The following ARHGAP18 variants were observed in gnomAD, a reference collection of about 807,000 sequenced individuals.
ARHGAP18 encodes the protein rho GTPase-activating protein 18.
Under a neutral mutation model 86.2 loss-of-function variants are expected in ARHGAP18, and 67 were observed. The observed-to-expected ratio is 0.78, with a 90% CI of 0.64 to 0.95. The LOEUF (loss-of-function observed/expected upper bound fraction) is 0.95, where lower values mean the gene tolerates loss of function less well. Among genes scored for constraint, ARHGAP18 ranks in the 40% least tolerant of loss-of-function variants. The probability of loss-of-function intolerance (pLI) is 0.00; values close to 1 mark genes in which losing one functional copy is unlikely to be tolerated. For synonymous variants in ARHGAP18, 283 were observed against 280.4 expected (o/e 1.01, Z -0.09); for missense variants, 691 against 780.4 (o/e 0.89, Z 1.37).
chr6:129,606,803 TGTATGTGTTAAGAATAGCCTGGTACA>T (rs1430582066), intron 9 of ARHGAP18, among the ~76,000 whole-genome samples: 1 of 152,078 alleles, frequency 6.6e-6, no homozygotes, highest in Non-Finnish European at 1.5e-5. Context: ...ATCTCAATAT[TGTATGTGTTAAGAATAGCCTGGTACA>T]GTTCTGGTTG....
At chr6:129,608,169 C>A in intron 8 of ARHGAP18, 117 bp from the exon 9 acceptor site, 62 of 1,103,678 alleles carry the variant, frequency 5.6e-5, no homozygotes, top group Middle Eastern at 3.3e-4. Flanking sequence ...TTAGACAAGA[C>A]AAATCAGACT....
chr6:129,700,438 T>C (rs1450130204), intron 1 of ARHGAP18, among the ~76,000 whole-genome samples: 2 of 152,218 alleles, frequency 1.3e-5, no homozygotes, highest in Non-Finnish European at 2.9e-5. Flanking sequence ...TTAAACACTT[T>C]TTTAGGGTAC....
intron 1 of ARHGAP18, among the ~76,000 whole-genome samples, chr6:129,676,912 CCTCTTTTTTTTTTTTTTTTTTT>C (rs1774243465): frequency 4.8e-5 from 5 of 103,878 alleles, no homozygotes; most frequent in Non-Finnish European, 1.8e-5. Context: ...AATTTTTTGT[CCTCTTTTTTTTTTTTTTTTTTT>C]TTTTTTTTTT....
chr6:129,606,865 C>CTTT (rs34265406), intron 9 of ARHGAP18, among the ~76,000 whole-genome samples: 1 of 144,432 alleles, frequency 6.9e-6, no homozygotes. Flanking sequence ...GCAATTTATT[C>CTTT]TTTTTTTTTT....
chr6:129,681,124 C>T (rs1774318319), intron 1 of ARHGAP18, among the ~76,000 whole-genome samples: 1 of 152,224 alleles, frequency 6.6e-6, no homozygotes, highest in Non-Finnish European at 1.5e-5. Context: ...GTTGCCCAAG[C>T]TGGAGTGCAG....
At chr6:129,629,280 T>C in intron 5 of ARHGAP18, 73 bp downstream of exon 5, 1 of 1,245,822 alleles carries the variant, frequency 8.0e-7, no homozygotes, top group Non-Finnish European at 1.1e-6. Context: ...TGCGTGTGTG[T>C]GTATGTATAT....
chr6:129,667,787 G>A (rs556485587), intron 1 of ARHGAP18, among the ~76,000 whole-genome samples: 2 of 152,088 alleles, frequency 1.3e-5, no homozygotes, highest in East Asian at 1.9e-4. Flanking sequence ...TATCTGCCTG[G>A]GCTCTTGGCC....
At chr6:129,649,541 A>C (rs1773658172) in intron 1 of ARHGAP18, among the ~76,000 whole-genome samples, 1 of 132,874 alleles carries the variant, frequency 7.5e-6, no homozygotes, top group African/African-American at 2.9e-5. Context: ...CAACAGAGCA[A>C]GTCTCTGTCT....
intron 1 of ARHGAP18, among the ~76,000 whole-genome samples, chr6:129,663,565 A>G (rs1584100215): frequency 6.6e-6 from 1 of 152,144 alleles, no homozygotes; most frequent in African/African-American, 2.4e-5. Context: ...CCAAACATCT[A>G]AAAAGGTCTC....
intron 1 of ARHGAP18, among the ~76,000 whole-genome samples, chr6:129,679,798 G>A (rs1034733390): frequency 6.6e-6 from 1 of 152,146 alleles, no homozygotes; most frequent in Non-Finnish European, 1.5e-5. Flanking sequence ...AAATTTGGTG[G>A]CTTAAAACAA....
chr6:129,627,210 A>G (rs1789497688), intron 5 of ARHGAP18, among the ~76,000 whole-genome samples: 1 of 152,182 alleles, frequency 6.6e-6, no homozygotes, highest in Admixed American at 6.5e-5. Context: ...AAAACTGTTA[A>G]TAAGTCAACA....
chr6:129,654,877 C>T (rs775647482), intron 1 of ARHGAP18, among the ~76,000 whole-genome samples: 36 of 152,280 alleles, frequency 2.4e-4, no homozygotes, highest in African/African-American at 3.4e-4. Context: ...AATTCTGCAC[C>T]GGCCAAGGCT....
intron 1 of ARHGAP18, among the ~76,000 whole-genome samples, chr6:129,647,321 A>C (rs1464520679): frequency 6.6e-6 from 1 of 152,048 alleles, no homozygotes; most frequent in African/African-American, 2.4e-5. Flanking sequence ...TGTAAGTAGG[A>C]TGTTTCTTCT....
At chr6:129,638,900 T>C (rs932103491) in intron 2 of ARHGAP18, among the ~76,000 whole-genome samples, 1 of 152,202 alleles carries the variant, frequency 6.6e-6, no homozygotes, top group Non-Finnish European at 1.5e-5. Context: ...CAGAGGATGA[T>C]ACTGTTCCCC....
At chr6:129,678,825 C>A (rs1584109305) in intron 1 of ARHGAP18, among the ~76,000 whole-genome samples, 1 of 151,966 alleles carries the variant, frequency 6.6e-6, no homozygotes, top group East Asian at 1.9e-4. Context: ...TTAAATTTTT[C>A]AAAATAAAAA....
At chr6:129,703,172 GC>G (rs1449658711) in intron 1 of ARHGAP18, among the ~76,000 whole-genome samples, 2 of 152,204 alleles carry the variant, frequency 1.3e-5, no homozygotes, top group Non-Finnish European at 2.9e-5. Flanking sequence ...GATGTTTACA[GC>G]CAGTGGGGAA....
chr6:129,638,656 T>C (rs771953739), intron 2 of ARHGAP18, 27 bp from the exon 3 acceptor site: 1 of 1,584,264 alleles, frequency 6.3e-7, no homozygotes, highest in Non-Finnish European at 8.6e-7. Context: ...AAGTGGTACT[T>C]AAATCACAAA....
chr6:129,708,091 G>A (rs572844249), intron 1 of ARHGAP18, among the ~76,000 whole-genome samples: 1 of 152,106 alleles, frequency 6.6e-6, no homozygotes, highest in Admixed American at 6.5e-5. Context: ...GCTAAACAGG[G>A]TATCTCCCAA....
chr6:129,628,591 T>C lies in ARHGAP18; in HGVS notation c.786+762A>G, dbSNP rs555524434. Among the ~76,000 whole-genome samples, 8 of 152,310 alleles carry C rather than the reference T, an allele frequency of 5.3e-5. No homozygotes were observed. In the South Asian group the frequency reaches 1.7e-3, roughly 32 times the overall value. On this transcript the variant is annotated intron_variant, in intron 5 of 14. Coordinates refer to ENST00000368149, the MANE Select transcript of ARHGAP18 (RefSeq NM_033515.3). ...TTCTATCACCAATAAAGGGACCATCTGATACCATGCATCTCTTCTGATGAT... is the reference window on the plus strand; with the variant it reads ...TTCTATCACCAATAAAGGGACCATCCGATACCATGCATCTCTTCTGATGAT...
Sources: allele counts gnomAD v4.1 joint callset (sites outside exome capture counted in the v4.1 genomes callset), GRCh38; gene constraint gnomAD v4.1.1; transcripts MANE v1.5; gene names NCBI Gene and HGNC (gene_info 2026-07-23, HGNC 2026-07-21).